Variants in GRIK2 observed in about 807,000 individuals in gnomAD.
GRIK2 encodes the protein glutamate ionotropic receptor kainate type subunit 2, also known as glutamate receptor ionotropic, kainate 2.
GRIK2 carries 32 observed loss-of-function variants against 100.3 expected under a neutral mutation model. The ratio of observed to expected loss-of-function variants is 0.32; its 90% CI spans 0.24 to 0.43. The LOEUF (loss-of-function observed/expected upper bound fraction) is 0.43, where lower values mean the gene tolerates loss of function less well. GRIK2 is among the 20% of genes least tolerant of loss of function. The pLI is 1.00. For missense variants in GRIK2, 843 were observed against 1,114.9 expected (o/e 0.76, Z 3.47); for synonymous variants, 417 against 389.4 (o/e 1.07, Z -0.83).
intron 7 of GRIK2, among the ~76,000 whole-genome samples, chr6:101,694,346 A>G (rs570231920): frequency 1.3e-5 from 2 of 152,268 alleles, no homozygotes; most frequent in African/African-American, 4.8e-5. Flanking sequence ...GTTAACAGCA[A>G]GTTTGACATA....
At chr6:101,592,801 G>C (rs1275402371) in intron 2 of GRIK2, among the ~76,000 whole-genome samples, 1 of 151,038 alleles carries the variant, frequency 6.6e-6, no homozygotes, top group African/African-American at 2.4e-5. Context: ...ATTTTTAATG[G>C]CCACTGATGT....
intron 14 of GRIK2, among the ~76,000 whole-genome samples, chr6:101,974,863 A>G (rs1416750720): frequency 2.0e-5 from 3 of 152,004 alleles, no homozygotes; most frequent in East Asian, 1.9e-4. Context: ...CAGTTAATCA[A>G]TCAAACTGGG....
rs1294685132 is a variant in GRIK2 at position 101,874,587 on chromosome 6, T to C, written c.1525-15053T>C. 2.6e-5 allele frequency among the ~76,000 whole-genome samples: 4 copies of C among 152,272 alleles called. No homozygotes were observed. In the East Asian group the frequency reaches 7.7e-4, roughly 29 times the overall value. ...ATTGTCTTGGCAATGCAGGCTCTTT[T>C]TTGGTGCCATATGAATTTTAAAGTA... On this transcript the variant is annotated intron_variant, in intron 11 of 16. Coordinates refer to ENST00000369134, the MANE Select transcript of GRIK2 (RefSeq NM_021956.5).
chr6:101,958,356 T>G lies in GRIK2; in HGVS notation c.2085+29724T>G, dbSNP rs1248046390. Among the ~76,000 whole-genome samples the G allele has an allele frequency of 2.0e-5, 3 of 151,688 alleles. No homozygotes were observed. The East Asian group carries it at 5.8e-4, about 30-fold the overall frequency. ...ATGTTATTGATTATAGAAATGCTAC[T>G]GACCTTTATACATTGATTTTGTATC... On this transcript the variant is annotated intron_variant, in intron 14 of 16. Transcript: ENST00000369134.
At chr6:101,926,933 T>TAAACA (rs200324409) in intron 13 of GRIK2, among the ~76,000 whole-genome samples, 6 of 152,190 alleles carry the variant, frequency 3.9e-5, no homozygotes, top group Admixed American at 1.3e-4. Context: ...TGTTGTTGTT[T>TAAACA]AAACAAAACA....
At chr6:101,491,955 C>CT (rs1416777935) in intron 2 of GRIK2, among the ~76,000 whole-genome samples, 2 of 151,452 alleles carry the variant, frequency 1.3e-5, no homozygotes, top group Admixed American at 6.6e-5. Context: ...ATAGCTTAAA[C>CT]TTTTTGTGCA....
intron 14 of GRIK2, among the ~76,000 whole-genome samples, chr6:102,022,133 AAC>A (rs1769457079): frequency 9.8e-6 from 1 of 101,772 alleles, no homozygotes; most frequent in African/African-American, 5.5e-5. Context: ...CTGTCTATAT[AAC>A]ACACACATAC....
intron 7 of GRIK2, among the ~76,000 whole-genome samples, chr6:101,795,695 C>G (rs118085318): frequency 1.3e-5 from 2 of 152,190 alleles, no homozygotes; most frequent in African/African-American, 4.8e-5. Context: ...GACCAGCCCT[C>G]AGGAGAAGTG....
chr6:101,951,045 A>G (rs1458949852), intron 14 of GRIK2, among the ~76,000 whole-genome samples: 6 of 152,004 alleles, frequency 3.9e-5, no homozygotes, highest in East Asian at 1.9e-4. Flanking sequence ...GTCAGTTCCA[A>G]TGTTCTGTTG....
chr6:101,463,679 C>T (rs962822632), intron 2 of GRIK2, among the ~76,000 whole-genome samples: 4 of 152,050 alleles, frequency 2.6e-5, no homozygotes, highest in Non-Finnish European at 4.4e-5. Flanking sequence ...ACCTCCAAGA[C>T]GTTGCCTCTA....
chr6:101,511,170 A>T (rs148447424), intron 2 of GRIK2, among the ~76,000 whole-genome samples: 1 of 152,328 alleles, frequency 6.6e-6, no homozygotes, highest in Non-Finnish European at 1.5e-5. Context: ...TTAGGAATTT[A>T]TCCTTGGAAA....
intron 10 of GRIK2, among the ~76,000 whole-genome samples, chr6:101,833,613 G>A (rs1011788493): frequency 2.0e-5 from 3 of 151,978 alleles, no homozygotes; most frequent in Admixed American, 1.3e-4. Flanking sequence ...TCAAGAATGG[G>A]CACTAAATAC....
At chr6:101,401,421 A>G (rs1294645680) in intron 2 of GRIK2, among the ~76,000 whole-genome samples, 2 of 152,072 alleles carry the variant, frequency 1.3e-5, no homozygotes, top group African/African-American at 2.4e-5. Flanking sequence ...CACACAAACA[A>G]GCTTTCTTAG....
rs1578288 is a variant in GRIK2, at chr6:101,943,983, T to G, written c.2085+15351T>G. Among the ~76,000 whole-genome samples, 40 of 152,188 alleles carry G rather than the reference T, an allele frequency of 2.6e-4. No individual in the cohort carries two copies. In the East Asian group the frequency reaches 3.7e-3, roughly 14 times the overall value. Reference sequence around the variant, plus strand: ...CCCAAATCTCATGTAGAGTTGTAATTCCCATGTTTTGAAGGAGGGGCCTGG... The same window carrying G: ...CCCAAATCTCATGTAGAGTTGTAATGCCCATGTTTTGAAGGAGGGGCCTGG... On this transcript the variant is annotated intron_variant, in intron 14 of 16. Transcript: ENST00000369134.
At chr6:101,694,239 T>A (rs1772315826) in intron 7 of GRIK2, among the ~76,000 whole-genome samples, 1 of 152,028 alleles carries the variant, frequency 6.6e-6, no homozygotes, top group African/African-American at 2.4e-5. Context: ...AGAAAGCAAG[T>A]ACAGGGCACA....
chr6:101,978,154 A>G (rs548180990), intron 14 of GRIK2, among the ~76,000 whole-genome samples: 16 of 151,928 alleles, frequency 1.1e-4, no homozygotes, highest in Non-Finnish European at 2.2e-4. Flanking sequence ...ATCTTCATGC[A>G]GAGTATGGCT....
intron 15 of GRIK2, among the ~76,000 whole-genome samples, chr6:102,054,528 T>A (rs893674280): frequency 6.6e-6 from 1 of 152,092 alleles, no homozygotes; most frequent in African/African-American, 2.4e-5. Context: ...TTTTATATGT[T>A]TCTGGTCAAT....
intron 2 of GRIK2, among the ~76,000 whole-genome samples, chr6:101,522,563 T>C (rs1282200762): frequency 6.6e-6 from 1 of 152,138 alleles, no homozygotes; most frequent in East Asian, 1.9e-4. Context: ...TGAAAAATCA[T>C]GCAACACTTT....
At chr6:101,631,702 A>G (rs1780751818) in intron 4 of GRIK2, among the ~76,000 whole-genome samples, 1 of 151,878 alleles carries the variant, frequency 6.6e-6, no homozygotes, top group Non-Finnish European at 1.5e-5. Flanking sequence ...TCAATTCTAT[A>G]CTTGTATGAT....
Sources: allele counts gnomAD v4.1 joint callset (sites outside exome capture counted in the v4.1 genomes callset), GRCh38; gene constraint gnomAD v4.1.1; transcripts MANE v1.5; gene names NCBI Gene and HGNC (gene_info 2026-07-23, HGNC 2026-07-21).